CACNB2: variants seen among roughly 807,000 people sequenced by gnomAD.
CACNB2 encodes calcium voltage-gated channel auxiliary subunit beta 2, also known as voltage-dependent L-type calcium channel subunit beta-2.
A neutral mutation model predicts 73.3 loss-of-function variants in CACNB2; 42 were observed. The observed-to-expected ratio is 0.57, with a 90% CI of 0.45 to 0.74. The LOEUF (loss-of-function observed/expected upper bound fraction) is 0.74, where lower values mean the gene tolerates loss of function less well. Ranked by LOEUF, CACNB2 falls within the 30% of genes least tolerant of loss-of-function variation. CACNB2 has a pLI of 0.00. For missense variants in CACNB2, 940 were observed against 853.0 expected (o/e 1.10, Z -1.27); for synonymous variants, 348 against 310.3 (o/e 1.12, Z -1.28).
At chr10:18,500,514 C>T (rs920902310) in intron 4 of CACNB2, among the ~76,000 whole-genome samples, 1 of 152,048 alleles carries the variant, frequency 6.6e-6, no homozygotes, top group Non-Finnish European at 1.5e-5. Flanking sequence ...GGCTGTTATT[C>T]TTTGAACCCA....
At chr10:18,439,925 A>G (rs921454065) in intron 3 of CACNB2, among the ~76,000 whole-genome samples, 1 of 152,206 alleles carries the variant, frequency 6.6e-6, no homozygotes, top group African/African-American at 2.4e-5. Context: ...GCAAATATAT[A>G]TGTAGATAAT....
At chr10:18,344,720 G>A (rs77827377) in intron 2 of CACNB2, among the ~76,000 whole-genome samples, 3,720 of 152,138 alleles carry the variant, frequency 0.024, 76 homozygotes, top group Non-Finnish European at 0.035. Context: ...ATTGGCTGGG[G>A]GCAGTGGCTC....
At chr10:18,310,687 C>A (rs953234389) in intron 2 of CACNB2, among the ~76,000 whole-genome samples, 5 of 146,286 alleles carry the variant, frequency 3.4e-5, no homozygotes, top group Non-Finnish European at 6.0e-5. Flanking sequence ...TCGAGCAATT[C>A]TCCTGCCTCA....
At chr10:18,157,496 ATTACTGCCTATTTG>A (rs1405718075) in intron 2 of CACNB2, among the ~76,000 whole-genome samples, 3 of 152,254 alleles carry the variant, frequency 2.0e-5, no homozygotes, top group African/African-American at 7.2e-5. Context: ...ATTTGTAAAT[ATTACTGCCTATTTG>A]TAACATTAGT....
chr10:18,241,422 T>A (rs1457111421), intron 2 of CACNB2, among the ~76,000 whole-genome samples: 1 of 152,246 alleles, frequency 6.6e-6, no homozygotes, highest in East Asian at 1.9e-4. Context: ...CATCACACAC[T>A]GGGGCCTGTC....
At chr10:18,393,671 A>G (rs1255366417) in intron 2 of CACNB2, among the ~76,000 whole-genome samples, 1 of 152,234 alleles carries the variant, frequency 6.6e-6, no homozygotes, top group Non-Finnish European at 1.5e-5. Context: ...CGACCAGTCT[A>G]CTGAAGGCCA....
At position 18,470,535 on chromosome 10, in the gene CACNB2, T is replaced by C. The variant is rs998213195; in HGVS notation, c.334-27820T>C. Among the ~76,000 whole-genome samples the C allele has an allele frequency of 3.3e-5, 5 of 151,476 alleles. No individual in the cohort carries two copies. In the Admixed American group the frequency reaches 3.3e-4, roughly 10 times the overall value. On this transcript the variant is annotated intron_variant, in intron 3 of 13. Coordinates refer to ENST00000324631, the MANE Select transcript of CACNB2 (RefSeq NM_201596.3). ...TATACTGTGTATATTATATATACTA[T>C]TTACGTTATTCTGTATATATTATAT...
intron 2 of CACNB2, among the ~76,000 whole-genome samples, chr10:18,182,746 A>G (rs947762750): frequency 2.0e-5 from 3 of 151,002 alleles, no homozygotes; most frequent in African/African-American, 7.3e-5. Context: ...TGCTGGAACC[A>G]GGGAGCCAGA....
intron 3 of CACNB2, among the ~76,000 whole-genome samples, chr10:18,439,765 G>A (rs372528566): frequency 1.3e-5 from 2 of 152,074 alleles, no homozygotes; most frequent in African/African-American, 4.8e-5. Context: ...TCTGATACTC[G>A]GCTGAAATCC....
chr10:18,255,705 C>A (rs1323574857), intron 2 of CACNB2, among the ~76,000 whole-genome samples: 1 of 152,056 alleles, frequency 6.6e-6, no homozygotes. Flanking sequence ...ACTTAAGCAC[C>A]CTAGGCTCTT....
At chr10:18,223,819 AT>A (rs2035883857) in intron 2 of CACNB2, among the ~76,000 whole-genome samples, 1 of 152,128 alleles carries the variant, frequency 6.6e-6, no homozygotes, top group Non-Finnish European at 1.5e-5. Flanking sequence ...TATTGCAGAA[AT>A]TTTATTTTTA....
intron 2 of CACNB2, among the ~76,000 whole-genome samples, chr10:18,263,541 A>C (rs2037653519): frequency 6.6e-6 from 1 of 152,230 alleles, no homozygotes; most frequent in African/African-American, 2.4e-5. Flanking sequence ...TCAATTGATA[A>C]ATATGCACCT....
chr10:18,310,664 C>T (rs2039929055), intron 2 of CACNB2, among the ~76,000 whole-genome samples: 1 of 149,298 alleles, frequency 6.7e-6, no homozygotes, highest in African/African-American at 2.5e-5. Flanking sequence ...GAAAAGAAAC[C>T]CACCCACTGG....
At chr10:18,204,154 C>T (rs780319889) in intron 2 of CACNB2, among the ~76,000 whole-genome samples, 1 of 152,182 alleles carries the variant, frequency 6.6e-6, no homozygotes, top group African/African-American at 2.4e-5. Context: ...TGCTGCAGTT[C>T]AGCTTACAGA....
chr10:18,436,391 A>G (rs901004121), intron 3 of CACNB2, among the ~76,000 whole-genome samples: 1 of 152,252 alleles, frequency 6.6e-6, no homozygotes, highest in Admixed American at 6.5e-5. Flanking sequence ...AACAAAGCAG[A>G]GAATGATAGC....
At chr10:18,297,129 C>T (rs1301104217) in intron 2 of CACNB2, among the ~76,000 whole-genome samples, 1 of 152,236 alleles carries the variant, frequency 6.6e-6, no homozygotes, top group Non-Finnish European at 1.5e-5. Context: ...ATCTACTAGA[C>T]ACCATGGCAG....
chr10:18,220,193 A>ATGTG (rs1327384541), intron 2 of CACNB2, among the ~76,000 whole-genome samples: 9 of 31,240 alleles, frequency 2.9e-4, no homozygotes, highest in East Asian at 9.5e-4. Flanking sequence ...ATACATATAT[A>ATGTG]TGTGTGTGTA....
intron 3 of CACNB2, among the ~76,000 whole-genome samples, chr10:18,468,313 T>A (rs2048007519): frequency 6.6e-6 from 1 of 151,960 alleles, no homozygotes; most frequent in Admixed American, 6.6e-5. Flanking sequence ...CTAAAAAAAT[T>A]AGCTAGGCAT....
intron 3 of CACNB2, among the ~76,000 whole-genome samples, chr10:18,449,321 C>T (rs930892866): frequency 3.3e-5 from 5 of 152,104 alleles, no homozygotes; most frequent in Non-Finnish European, 7.4e-5. Flanking sequence ...GGAGGCAGAG[C>T]TTGCAGTGAG....
Sources: gnomAD v4.1 joint callset for allele counts (sites outside exome capture counted in the v4.1 genomes callset) on GRCh38, gnomAD v4.1.1 for gene constraint, MANE v1.5 for transcripts, NCBI Gene and HGNC (gene_info 2026-07-23, HGNC 2026-07-21) for gene names.